The following ASH1L variants were observed in gnomAD, a reference collection of about 807,000 sequenced individuals.
The protein encoded by ASH1L is histone-lysine N-methyltransferase ASH1L.
Under a neutral mutation model 269.0 loss-of-function variants are expected in ASH1L, and 23 were observed. The ratio of observed to expected loss-of-function variants is 0.09; its 90% CI spans 0.06 to 0.12. The LOEUF (loss-of-function observed/expected upper bound fraction) is 0.12, where lower values mean the gene tolerates loss of function less well. Among genes scored for constraint, ASH1L ranks in the 10% least tolerant of loss-of-function variants. The pLI is 1.00. For synonymous variants in ASH1L, 1,187 were observed against 1,253.5 expected (o/e 0.95, Z 1.12); for missense variants, 2,912 against 3,567.8 (o/e 0.82, Z 4.68).
intron 6 of ASH1L, among the ~76,000 whole-genome samples, chr1:155,415,004 GAAAAATGAAGTCACCAATATA>G (rs1300184755): frequency 1.3e-5 from 2 of 152,100 alleles, no homozygotes; most frequent in African/African-American, 2.4e-5. Context: ...TCCAATCAGT[GAAAAATGAAGTCACCAATATA>G]AAAAATGAAG....
intron 5 of ASH1L, 110 bp from the exon 6 acceptor site, chr1:155,416,033 ACTTC>A (rs1660180810): frequency 1.2e-6 from 1 of 851,434 alleles, no homozygotes; most frequent in Admixed American, 3.4e-5. Flanking sequence ...AGATATGGGG[ACTTC>A]CTTATCTGGC....
chr1:155,530,735 C>T (rs1191108506), intron 1 of ASH1L, among the ~76,000 whole-genome samples: 3 of 146,610 alleles, frequency 2.0e-5, no homozygotes, highest in South Asian at 2.2e-4. Flanking sequence ...GACTCTGTCT[C>T]GGGAAGGAAA....
Position 155,479,460 on chromosome 1 carries a change from T to C in ASH1L, c.3410A>G (p.His1137Arg). 6.2e-7 allele frequency: 1 copy of C among 1,614,152 alleles called. No individual in the cohort carries two copies. Among genetic ancestry groups the C allele is most frequent in the Admixed American group, 1.7e-5 (1 of 60,014 alleles). Residue 1137 changes from histidine (H) to arginine (R), a missense_variant, in exon 3 of 28, where the codon CAT (histidine) becomes CGT (arginine). His to Arg is a conservative substitution (Grantham distance 29). Transcript: ENST00000392403. ...FVEPSSVPYLHLHSRQGSMIQ... is the reference protein window; with the variant it reads ...FVEPSSVPYLRLHSRQGSMIQ... ...CATACTGCCCTGTCTGGAGTGTAAATGCAAATATGGCACTGAACTGGGTTC... is the reference window on the plus strand; with the variant it reads ...CATACTGCCCTGTCTGGAGTGTAAACGCAAATATGGCACTGAACTGGGTTC...
At chr1:155,353,328 GTTA>G in intron 16 of ASH1L, among the ~76,000 whole-genome samples, 1 of 152,298 alleles carries the variant, frequency 6.6e-6, no homozygotes, top group South Asian at 2.1e-4. Context: ...AATGATATCT[GTTA>G]TTATTAGAAG....
intron 4 of ASH1L, among the ~76,000 whole-genome samples, chr1:155,445,827 G>T (rs569814485): frequency 6.6e-6 from 1 of 151,806 alleles, no homozygotes; most frequent in Non-Finnish European, 1.5e-5. Context: ...TTAATTTTTT[G>T]TGATTTAATT....
At chr1:155,537,710 T>C (rs548650613) in intron 1 of ASH1L, among the ~76,000 whole-genome samples, 2 of 152,096 alleles carry the variant, frequency 1.3e-5, no homozygotes, top group Admixed American at 1.3e-4. Flanking sequence ...TGACTTTGGG[T>C]TAGGCAAAAT....
intron 2 of ASH1L, among the ~76,000 whole-genome samples, chr1:155,518,301 G>C (rs998632120): frequency 2.0e-5 from 3 of 152,088 alleles, no homozygotes; most frequent in Non-Finnish European, 2.9e-5. Context: ...GGAAAACATA[G>C]GGGGAAGACT....
chr1:155,443,410 T>C (rs1000579964), intron 4 of ASH1L, among the ~76,000 whole-genome samples: 4 of 152,224 alleles, frequency 2.6e-5, no homozygotes, highest in African/African-American at 9.6e-5. Context: ...CACTATATTT[T>C]AGATGTAACT....
At chr1:155,418,616 A>G (rs941626778) in intron 5 of ASH1L, among the ~76,000 whole-genome samples, 8 of 152,186 alleles carry the variant, frequency 5.3e-5, no homozygotes, top group Non-Finnish European at 1.0e-4. Flanking sequence ...AAAAATTCAC[A>G]ATGAAAAAAA....
At chr1:155,476,044 A>C (rs1558143503) in intron 3 of ASH1L, among the ~76,000 whole-genome samples, 1 of 152,192 alleles carries the variant, frequency 6.6e-6, no homozygotes, top group Non-Finnish European at 1.5e-5. Context: ...CTGATTAAAT[A>C]AACTATTTGT....
At chr1:155,415,551 C>G (rs1660143022) in intron 6 of ASH1L, among the ~76,000 whole-genome samples, 193 bp downstream of exon 6, 1 of 152,034 alleles carries the variant, frequency 6.6e-6, no homozygotes, top group Non-Finnish European at 1.5e-5. Flanking sequence ...GTACTGATTT[C>G]CCCCCACATC....
At chr1:155,490,692 C>G (rs1666715757) in intron 2 of ASH1L, among the ~76,000 whole-genome samples, 1 of 151,846 alleles carries the variant, frequency 6.6e-6, no homozygotes. Flanking sequence ...CCTCGTGGCT[C>G]ACACCTGTAA....
At chr1:155,360,020 A>G (rs1360938238) in intron 13 of ASH1L, among the ~76,000 whole-genome samples, 2 of 151,768 alleles carry the variant, frequency 1.3e-5, no homozygotes, top group Non-Finnish European at 2.9e-5. Context: ...AGCCTCCAAT[A>G]AACTGGGATT....
chr1:155,425,000 TTAC>T (rs1661020167), intron 5 of ASH1L, among the ~76,000 whole-genome samples: 1 of 151,730 alleles, frequency 6.6e-6, no homozygotes, highest in Non-Finnish European at 1.5e-5. Context: ...AGACAGAGCC[TTAC>T]TCTGTGGCCA....
At chr1:155,518,080 G>A (rs1382107064) in intron 2 of ASH1L, among the ~76,000 whole-genome samples, 2 of 152,104 alleles carry the variant, frequency 1.3e-5, no homozygotes, top group African/African-American at 2.4e-5. Flanking sequence ...GATTACAGGC[G>A]TGAGCCACCA....
chr1:155,526,472 G>A (rs1463663275), intron 1 of ASH1L, among the ~76,000 whole-genome samples: 1 of 152,084 alleles, frequency 6.6e-6, no homozygotes, highest in African/African-American at 2.4e-5. Context: ...ATCACAGCTA[G>A]TCTAAGAAAA....
chr1:155,518,820 G>C (rs1307579484), intron 2 of ASH1L, among the ~76,000 whole-genome samples: 1 of 117,192 alleles, frequency 8.5e-6, no homozygotes, highest in African/African-American at 3.2e-5. Context: ...GAGGAAGGAA[G>C]AAAGAAAAGA....
chr1:155,373,442 C>T (rs1276732796), intron 10 of ASH1L, among the ~76,000 whole-genome samples: 6 of 151,644 alleles, frequency 4.0e-5, no homozygotes, highest in Admixed American at 6.6e-5. Context: ...CGCGCACCAC[C>T]GCATCTGACT....
At position 155,439,064 on chromosome 1, in the gene ASH1L, G is replaced by A. The variant is rs779245910; in HGVS notation, c.5091C>T (p.Asn1697=). 1.5e-5 allele frequency: 24 copies of A among 1,598,524 alleles called. No individual in the cohort carries two copies. Among genetic ancestry groups the A allele is most frequent in the Admixed American group, 1.8e-5 (1 of 56,608 alleles). Residue 1697 remains asparagine, a synonymous_variant, in exon 5 of 28, where the codon AAC becomes AAT. Coordinates refer to ENST00000392403, the MANE Select transcript of ASH1L (RefSeq NM_018489.3). ...SSSESTSSTV[N]GVPSRSPRLV... ...ATCTTGGACTTCGAGAGGGAACTCC[G>A]TTTACTGAAAGAGACAATAAATCAC...
Sources: allele counts gnomAD v4.1 joint callset (sites outside exome capture counted in the v4.1 genomes callset), GRCh38; gene constraint gnomAD v4.1.1; transcripts MANE v1.5; gene names NCBI Gene and HGNC (gene_info 2026-07-23, HGNC 2026-07-21).